The following PATJ variants were observed in gnomAD, a reference collection of about 807,000 sequenced individuals.
PATJ encodes the protein inaD-like protein.
A neutral mutation model predicts 224.9 loss-of-function variants in PATJ; 190 were observed. The ratio of observed to expected loss-of-function variants is 0.84; its 90% CI spans 0.75 to 0.95. The LOEUF is 0.95. Ranked by LOEUF, PATJ falls within the 40% of genes least tolerant of loss-of-function variation. The pLI is 0.00. For missense variants in PATJ, 2,121 were observed against 2,270.3 expected, an observed-to-expected ratio of 0.93 and a Z score of 1.34; for synonymous variants, 769 against 820.3, an observed-to-expected ratio of 0.94 and a Z score of 1.07.
intron 7 of PATJ, among the ~76,000 whole-genome samples, chr1:61,775,618 T>C (rs922811813): frequency 1.3e-5 from 2 of 152,214 alleles, no homozygotes; most frequent in African/African-American, 4.8e-5. Flanking sequence ...TTAATGAATA[T>C]TGCATTTTGA....
At chr1:62,073,830 A>C (rs1037158690) in intron 31 of PATJ, among the ~76,000 whole-genome samples, 2 of 152,170 alleles carry the variant, frequency 1.3e-5, no homozygotes, top group Non-Finnish European at 2.9e-5. Context: ...TCTCCAAAAA[A>C]ATTTCTGAGA....
intron 33 of PATJ, among the ~76,000 whole-genome samples, chr1:62,093,569 A>G (rs752924368): frequency 3.3e-5 from 5 of 152,178 alleles, no homozygotes; most frequent in Non-Finnish European, 5.9e-5. Flanking sequence ...TTATTACCTT[A>G]GTTTTATTTT....
At position 61,787,792 on chromosome 1, in the gene PATJ, T is replaced by C. The variant is rs757316696; in HGVS notation, c.888T>C (p.Ile296=). The C allele has an allele frequency of 1.9e-6, 3 of 1,614,162 alleles. No individual in the cohort carries two copies. The highest frequency in any genetic ancestry group is 2.5e-6 in the Non-Finnish European group (3 of 1,179,976). ...RLQTGDHILK[I]GGTNVQGMTS... is the part of the protein sequence containing the mutation. ...AGACAGGGGACCACATCTTGAAGAT[T>C]GGTGGCACAAACGTGCAGGGAATGA... The change falls in exon 8 of 44, where the codon ATT becomes ATC. Residue 296 remains isoleucine (I), a synonymous_variant. Coordinates refer to ENST00000642238, the MANE Select transcript of PATJ (RefSeq NM_001350145.3).
intron 30 of PATJ, among the ~76,000 whole-genome samples, chr1:62,043,841 C>T (rs1570289514): frequency 6.6e-6 from 1 of 152,180 alleles, no homozygotes; most frequent in East Asian, 1.9e-4. Flanking sequence ...AATATTCCTG[C>T]CTCAGCCTCC....
rs1326942831 is a variant in PATJ at position 62,106,172 on chromosome 1, A to G, written c.4378-2265A>G. Among the ~76,000 whole-genome samples, 26 of 100,186 alleles carry G rather than the reference A, an allele frequency of 2.6e-4. 3 individuals are homozygous for G. The highest frequency in any genetic ancestry group is 6.6e-4 in the Admixed American group (6 of 9,130). 65.7% of individuals were successfully genotyped at this position (100,186 alleles called of 152,430 possible). ...TGTGTGTGTGTGTATATATATATAT[A>G]TATATATATATATATGGCTGGGCAC... On this transcript the variant is annotated intron_variant, in intron 33 of 43. Transcript: ENST00000642238.
chr1:61,834,478 G>A (rs982079462), intron 17 of PATJ, among the ~76,000 whole-genome samples: 3 of 152,114 alleles, frequency 2.0e-5, no homozygotes, highest in African/African-American at 2.4e-5. Flanking sequence ...TATGTTGTAC[G>A]GTTCTACCAG....
At chr1:62,058,762 T>C (rs773020175) in intron 31 of PATJ, among the ~76,000 whole-genome samples, 1 of 152,220 alleles carries the variant, frequency 6.6e-6, no homozygotes, top group Non-Finnish European at 1.5e-5. Flanking sequence ...TGTTAGAATC[T>C]GTGCAGCGTT....
chr1:62,006,809 T>G (rs1646120973), intron 28 of PATJ, among the ~76,000 whole-genome samples: 1 of 152,216 alleles, frequency 6.6e-6, no homozygotes, highest in South Asian at 2.1e-4. Flanking sequence ...CAGGCCTTAA[T>G]GGCAGGGATA....
intron 34 of PATJ, among the ~76,000 whole-genome samples, chr1:62,111,471 C>T (rs1213401346): frequency 6.6e-6 from 1 of 152,158 alleles, no homozygotes; most frequent in African/African-American, 2.4e-5. Context: ...TAACTGTGTG[C>T]CAAGCCCTGT....
chr1:61,773,483 CAT>C (rs2148382480), intron 6 of PATJ, among the ~76,000 whole-genome samples: 1 of 151,248 alleles, frequency 6.6e-6, no homozygotes, highest in South Asian at 2.1e-4. Flanking sequence ...GCCTGGGGAA[CAT>C]AGTCAAACCC....
chr1:62,056,742 C>G (rs2148619134), intron 31 of PATJ, among the ~76,000 whole-genome samples: 1 of 152,294 alleles, frequency 6.6e-6, no homozygotes, highest in South Asian at 2.1e-4. Flanking sequence ...TATCACACCA[C>G]TTTACTCCAG....
chr1:62,034,443 A>T (rs1270869395), intron 29 of PATJ, among the ~76,000 whole-genome samples: 11 of 11,490 alleles, frequency 9.6e-4, no homozygotes, highest in African/African-American at 3.5e-3. Flanking sequence ...ACTCTGTCTC[A>T]AAAAAAAAAA....
chr1:61,864,763 G>A, intron 20 of PATJ, 130 bp downstream of exon 20: 1 of 728,780 alleles, frequency 1.4e-6, no homozygotes, highest in Non-Finnish European at 2.2e-6. Context: ...CTGTTTACAA[G>A]ATGTGTCATC....
chr1:61,939,326 C>CACACACACACACACACAGTCAGAAGAAAG (rs1677405688), intron 27 of PATJ, among the ~76,000 whole-genome samples: 1 of 109,878 alleles, frequency 9.1e-6, no homozygotes. Flanking sequence ...TTCACACACA[C>CACACACACACACACACAGTCAGAAGAAAG]ACACACACAC....
chr1:62,048,880 T>C (rs1653061269), intron 30 of PATJ, among the ~76,000 whole-genome samples: 1 of 152,162 alleles, frequency 6.6e-6, no homozygotes, highest in Non-Finnish European at 1.5e-5. Context: ...GGTTTTGGGA[T>C]GCTCAGCTGG....
At chr1:61,795,076 GGA>G in intron 9 of PATJ, among the ~76,000 whole-genome samples, 1 of 145,098 alleles carries the variant, frequency 6.9e-6, no homozygotes, top group South Asian at 2.3e-4. Flanking sequence ...GGAAGACCTA[GGA>G]GACTCTTGTC....
chr1:62,149,469 GT>G (rs1479281729), intron 42 of PATJ, among the ~76,000 whole-genome samples: 1 of 152,024 alleles, frequency 6.6e-6, no homozygotes, highest in African/African-American at 2.4e-5. Context: ...ACATCTTTGA[GT>G]TTATTTTTCT....
At chr1:62,031,363 C>T (rs1327145706) in intron 29 of PATJ, among the ~76,000 whole-genome samples, 2 of 152,144 alleles carry the variant, frequency 1.3e-5, no homozygotes, top group African/African-American at 4.8e-5. Context: ...GTAATATTCA[C>T]CACTATACCT....
In PATJ at chr1:62,128,865, A is replaced by G. The variant is rs1665989607; in HGVS notation, c.5191A>G (p.Asn1731Asp). The change falls in exon 41 of 44, where the codon AAC becomes GAC. Residue 1731 changes from asparagine (N) to aspartate (D), a missense_variant. Coordinates refer to ENST00000642238, the MANE Select transcript of PATJ (RefSeq NM_001350145.3). ...GGTTGGAGATCGGATTGTCAGCATT[A>G]ACGGGCAACCTTTGGATGGGCTGTC... is the stretch of plus-strand genomic sequence containing the variant. ...LKVGDRIVSI[N>D]GQPLDGLSHA... The G allele has an allele frequency of 6.2e-7, 1 of 1,612,624 alleles. No individual in the cohort carries two copies. The highest frequency in any genetic ancestry group is 1.3e-5 in the African/African-American group (1 of 74,934).
Sources: gnomAD v4.1 joint callset for allele counts (sites outside exome capture counted in the v4.1 genomes callset) on GRCh38, gnomAD v4.1.1 for gene constraint, MANE v1.5 for transcripts, NCBI Gene and HGNC (gene_info 2026-07-23, HGNC 2026-07-21) for gene names.